Variants in ABLIM1 observed in about 807,000 individuals in gnomAD.
ABLIM1 encodes actin binding LIM protein 1, also known as actin-binding LIM protein 1.
ABLIM1 carries 40 observed loss-of-function variants against 107.0 expected under a neutral mutation model. The observed-to-expected ratio is 0.37, with a 90% CI of 0.29 to 0.49. The LOEUF (loss-of-function observed/expected upper bound fraction) is 0.49. Ranked by LOEUF, ABLIM1 falls within the 20% of genes least tolerant of loss-of-function variation. The pLI is 0.97. For missense variants in ABLIM1, 857 were observed against 1,008.5 expected (o/e 0.85, Z 2.04); for synonymous variants, 357 against 357.3 (o/e 1.00, Z 0.01).
chr10:114,463,081 G>T, intron 12 of ABLIM1: 1 of 1,341,308 alleles, frequency 7.5e-7, no homozygotes, highest in African/African-American at 1.5e-5. Flanking sequence ...CGGAAAGGGG[G>T]GTTGGGGCGG....
intron 18 of ABLIM1, 117 bp from the exon 19 acceptor site, chr10:114,441,194 CCTT>C: frequency 8.8e-7 from 1 of 1,133,972 alleles, no homozygotes; most frequent in South Asian, 1.6e-5. Context: ...AAATGTCAGA[CCTT>C]CATTTTTTTT....
intron 1 of ABLIM1, among the ~76,000 whole-genome samples, chr10:114,670,732 G>A (rs964119513): frequency 1.3e-5 from 2 of 152,208 alleles, no homozygotes; most frequent in Non-Finnish European, 2.9e-5. Context: ...GGGCCCAAGC[G>A]ATGAGAAGTT....
intron 8 of ABLIM1, among the ~76,000 whole-genome samples, chr10:114,480,726 T>A (rs1395726717): frequency 6.6e-6 from 1 of 152,216 alleles, no homozygotes; most frequent in East Asian, 1.9e-4. Context: ...AGAACCTTCT[T>A]GTTGATATGG....
rs370885136 is a variant in ABLIM1 at position 114,468,356 on chromosome 10, T to G, written c.1276-140A>C. 89 of 709,552 alleles carry G rather than the reference T, an allele frequency of 1.3e-4. 2 individuals carry two copies. The highest frequency in any genetic ancestry group is 2.9e-4 in the South Asian group (18 of 62,598). The allele number at this position is 709,552 out of a possible 1,614,324, so 44.0% of individuals were successfully genotyped here. ...GTGGCGCAATCTCGGTTTACTGCAA[T>G]CTCCGCCTCCCAGGTTCAAGCGATT... On this transcript the variant is annotated intron_variant, in intron 10 of 22. Transcript: ENST00000533213.
chr10:114,473,384 C>A (rs988994448), intron 9 of ABLIM1, among the ~76,000 whole-genome samples: 1 of 151,928 alleles, frequency 6.6e-6, no homozygotes, highest in Non-Finnish European at 1.5e-5. Flanking sequence ...AATGTGCAAA[C>A]CTTAAGGATA....
At chr10:114,479,159 C>T (rs1039547936) in intron 8 of ABLIM1, among the ~76,000 whole-genome samples, 1 of 152,174 alleles carries the variant, frequency 6.6e-6, no homozygotes, top group African/African-American at 2.4e-5. Flanking sequence ...ACCAGCATAA[C>T]TATGTCACAG....
chr10:114,460,103 T>C (rs1190547661), intron 12 of ABLIM1, among the ~76,000 whole-genome samples: 1 of 152,206 alleles, frequency 6.6e-6, no homozygotes, highest in Admixed American at 6.5e-5. Context: ...TTAAAAATTA[T>C]CTTCACACAT....
chr10:114,698,408 TAAA>T (rs34629916), intron 1 of ABLIM1, among the ~76,000 whole-genome samples: 1 of 116,912 alleles, frequency 8.6e-6, no homozygotes, highest in Admixed American at 8.5e-5. Flanking sequence ...ATTAAAAATG[TAAA>T]AAAAAAAAAA....
At chr10:114,525,299 C>T (rs2064507398) in intron 6 of ABLIM1, among the ~76,000 whole-genome samples, 1 of 152,242 alleles carries the variant, frequency 6.6e-6, no homozygotes. Flanking sequence ...GAGTAGTTCA[C>T]TTTCTGTCCT....
chr10:114,526,159 A>T (rs758876205), intron 6 of ABLIM1, among the ~76,000 whole-genome samples: 37 of 151,952 alleles, frequency 2.4e-4, no homozygotes, highest in Admixed American at 4.6e-4. Flanking sequence ...TATTTCTTAA[A>T]GAAAAAAAAA....
rs139049797 is a variant in ABLIM1, at chr10:114,707,511, C to T, written c.-213+60550G>A. On this transcript the variant is annotated intron_variant, in intron 1 of 15. Transcript: ENST00000651092. The surrounding 1 kb of genome is among the most constrained non-coding windows in gnomAD (Gnocchi z 4.1). ...CCTCCCAAAGTGCTGGGATTACAGG[C>T]GTAAGCCACCACACCTGGCCCAGTT... 4.3e-4 allele frequency among the ~76,000 whole-genome samples: 66 copies of T among 152,270 alleles called. 1 individual carries two copies. The highest frequency in any genetic ancestry group is 3.3e-3 in the South Asian group (16 of 4,828).
At chr10:114,799,324 T>C in the ABLIM1 span, among the ~76,000 whole-genome samples, 42 of 152,328 alleles carry the variant, frequency 2.8e-4, 1 homozygote, top group South Asian at 7.5e-3. Context: ...ATCCAGTTCA[T>C]GTAGTTAAAA....
intron 20 of ABLIM1, 148 bp downstream of exon 20, chr10:114,439,934 T>C (rs2059957193): frequency 1.5e-6 from 2 of 1,377,616 alleles, no homozygotes; most frequent in South Asian, 1.3e-5. Flanking sequence ...GCATGTCTGC[T>C]CTTCACGGCT....
intron 10 of ABLIM1, among the ~76,000 whole-genome samples, chr10:114,468,607 A>G (rs946640402): frequency 1.8e-4 from 28 of 151,964 alleles, no homozygotes; most frequent in African/African-American, 6.8e-4. Context: ...TGTTTATCAG[A>G]GTCAGCTGTA....
rs1401823123 is a variant in ABLIM1 at position 114,690,212 on chromosome 10, C to T, written c.-213+77849G>A. On this transcript the variant is annotated intron_variant, in intron 1 of 15. Transcript: ENST00000651092. ...TCTTTCCATTCCTGGACCCAAAGCGCCCCGTGGCCTCCACAATATTTATGC... is the reference window on the plus strand; with the variant it reads ...TCTTTCCATTCCTGGACCCAAAGCGTCCCGTGGCCTCCACAATATTTATGC... 6 of 1,430,418 alleles carry T rather than the reference C, an allele frequency of 4.2e-6. No individual in the cohort carries two copies. In the African/African-American group the frequency reaches 7.0e-5, roughly 17 times the overall value. 88.6% of individuals were successfully genotyped at this position (1,430,418 alleles called of 1,614,324 possible). A position where few individuals can be genotyped will look rare whatever the true frequency, so the allele number is the denominator to read the frequency against.
In ABLIM1 at chr10:114,575,580, T is replaced by C. The variant is rs34145182; in HGVS notation, c.399A>G (p.Ala133=). Residue 133 remains alanine (A), a synonymous_variant, in exon 3 of 23, where the codon GCA becomes GCG. Transcript: ENST00000533213. ...FTCKVCGCDL[A]QGGFFIKNGE... ...CGTTCTTTATGAAGAAGCCCCCTTG[T>C]GCCAGGTCACAGCCACACACTGTAG... 4,909 of 1,613,926 alleles carry C rather than the reference T, an allele frequency of 3.0e-3. 15 individuals carry two copies. Among genetic ancestry groups the C allele is most frequent in the Non-Finnish European group, 3.7e-3 (4,331 of 1,179,864 alleles).
chr10:114,720,012 T>C (rs1360760874), intron 1 of ABLIM1, among the ~76,000 whole-genome samples: 1 of 152,192 alleles, frequency 6.6e-6, no homozygotes, highest in Non-Finnish European at 1.5e-5. Flanking sequence ...CTATTTTTCC[T>C]GATGCTCTCC....
chr10:114,447,961 C>T lies in ABLIM1; in HGVS notation c.1654G>A (p.Ala552Thr). 3.1e-6 allele frequency: 5 copies of T among 1,614,124 alleles called. No individual in the cohort carries two copies. Among genetic ancestry groups the T allele is most frequent in the Non-Finnish European group, 4.2e-6 (5 of 1,180,022 alleles). The part of the protein sequence containing the change: ...EDIIKFSKFP[A>T]AQAPDPSETP... ...TCGCTGGGGTCTGGTGCCTGGGCTG[C>T]TGGGAACTTGGAAAACTTGATGATA... The change falls in exon 15 of 23, where the codon GCA becomes ACA. Residue 552 changes from alanine to threonine, a missense_variant. Coordinates refer to ENST00000533213, the MANE Select transcript of ABLIM1 (RefSeq NM_002313.7).
At chr10:114,759,346 T>C (rs2082696085) in intron 1 of ABLIM1, among the ~76,000 whole-genome samples, 1 of 152,088 alleles carries the variant, frequency 6.6e-6, no homozygotes, top group South Asian at 2.1e-4. Context: ...AACTATACAT[T>C]TTAAAGCTTA....
Sources: gnomAD v4.1 joint callset for allele counts (sites outside exome capture counted in the v4.1 genomes callset) on GRCh38, gnomAD v4.1.1 for gene constraint, Gnocchi (gnomAD v3.1) non-coding constraint, MANE v1.5 for transcripts, NCBI Gene and HGNC (gene_info 2026-07-23, HGNC 2026-07-21) for gene names.